NEK10: variants seen among roughly 807,000 people sequenced by gnomAD.
NEK10 encodes serine/threonine-protein kinase Nek10.
In NEK10, 122 loss-of-function variants were observed where a neutral mutation model predicts 159.8. That is an observed-to-expected ratio of 0.76 (90% CI 0.66 to 0.89). The LOEUF (loss-of-function observed/expected upper bound fraction) is 0.89, where lower values mean the gene tolerates loss of function less well. Among genes scored for constraint, NEK10 ranks in the 40% least tolerant of loss-of-function variants. NEK10 has a pLI of 0.00. For missense variants in NEK10, 1,342 were observed against 1,323.1 expected (o/e 1.01, Z -0.22); for synonymous variants, 466 against 457.1 (o/e 1.02, Z -0.25).
At chr3:27,353,178 T>G (rs1455538954) in intron 1 of NEK10, among the ~76,000 whole-genome samples, 1 of 152,212 alleles carries the variant, frequency 6.6e-6, no homozygotes, top group Non-Finnish European at 1.5e-5. Flanking sequence ...ACAATTGGTT[T>G]GCTTTTATTT....
chr3:27,117,987 T>C (rs1376151085), intron 33 of NEK10, among the ~76,000 whole-genome samples: 6 of 152,208 alleles, frequency 3.9e-5, no homozygotes, highest in African/African-American at 1.4e-4. Flanking sequence ...CTTGAATTAA[T>C]TTTTGTATAA....
chr3:27,209,537 T>G (rs957208082), intron 23 of NEK10, among the ~76,000 whole-genome samples: 4 of 152,246 alleles, frequency 2.6e-5, no homozygotes, highest in Non-Finnish European at 5.9e-5. Context: ...AGCAGCAGCT[T>G]AAAGTACAAA....
chr3:27,356,560 G>A (rs964675949), intron 1 of NEK10, among the ~76,000 whole-genome samples: 1 of 152,092 alleles, frequency 6.6e-6, no homozygotes. Context: ...TTCTATCATA[G>A]CAGCACAAAA....
chr3:27,177,770 T>A (rs1291114962), intron 26 of NEK10, among the ~76,000 whole-genome samples: 5 of 152,184 alleles, frequency 3.3e-5, no homozygotes, highest in Non-Finnish European at 7.3e-5. Flanking sequence ...CCTTTAGTGC[T>A]TTGCACAATG....
chr3:27,363,067 C>T (rs960701441), intron 1 of NEK10, among the ~76,000 whole-genome samples: 12 of 152,152 alleles, frequency 7.9e-5, no homozygotes, highest in South Asian at 6.2e-4. Flanking sequence ...TCCTGGCCAC[C>T]CAGCCAGCTG....
Position 27,111,263 on chromosome 3 carries a change from G to A in NEK10, c.*9C>T. Reference sequence around the variant, plus strand: ...TGAGAAAATCAAGTCCACTCAAAATGCAGCATTTTCATCTTTTGGTTGGGT... The same window carrying A: ...TGAGAAAATCAAGTCCACTCAAAATACAGCATTTTCATCTTTTGGTTGGGT... On this transcript the variant is annotated 3_prime_UTR_variant, in exon 36 of 36. Transcript: ENST00000691995. 1 of 1,608,092 alleles carries A rather than the reference G, an allele frequency of 6.2e-7. No homozygotes were observed. Among genetic ancestry groups the A allele is most frequent in the Non-Finnish European group, 8.5e-7 (1 of 1,176,634 alleles).
intron 1 of NEK10, among the ~76,000 whole-genome samples, chr3:27,353,490 G>C (rs908947573): frequency 1.2e-4 from 19 of 152,102 alleles, no homozygotes; most frequent in Admixed American, 8.5e-4. Flanking sequence ...GTACCAATGG[G>C]CATTTCACTT....
intron 29 of NEK10, among the ~76,000 whole-genome samples, chr3:27,169,506 T>C (rs572946750): frequency 6.6e-6 from 1 of 152,290 alleles, no homozygotes; most frequent in African/African-American, 2.4e-5. Context: ...TAAGTTTTCC[T>C]TGGGTTTTTA....
rs1032863216 is a variant in NEK10, at chr3:27,187,515, C to T, written c.2505+4514G>A. On this transcript the variant is annotated intron_variant, in intron 26 of 35. Transcript: ENST00000691995. ...GGGACTAGATGGAAACCAAGGGAAG[C>T]GTAAGAGAGGCAGAACCTTTAAAGT... Among the ~76,000 whole-genome samples the T allele has an allele frequency of 7.9e-5, 12 of 151,702 alleles. 1 individual carries two copies. Among genetic ancestry groups the T allele is most frequent in the Admixed American group, 6.6e-4 (10 of 15,236 alleles).
chr3:27,239,278 A>T (rs1313170458), intron 23 of NEK10, among the ~76,000 whole-genome samples: 3 of 152,228 alleles, frequency 2.0e-5, no homozygotes, highest in Non-Finnish European at 4.4e-5. Flanking sequence ...AGATTTTAAA[A>T]ATCAGTGATG....
At position 27,106,669 on chromosome 3, in the gene NEK10, T is replaced by C. The variant is rs1420195214; in HGVS notation, c.*4603A>G. ...GCCTTAAAGCAGTTGTTCCTCTTGG[T>C]TTGTTATTTCTGGCACAAACTTCTC... is the stretch of plus-strand genomic sequence containing the variant. On this transcript the variant is annotated 3_prime_UTR_variant, in exon 36 of 36. Coordinates refer to ENST00000691995, the MANE Select transcript of NEK10 (RefSeq NM_001394966.1). 2.0e-5 allele frequency among the ~76,000 whole-genome samples: 3 copies of C among 152,166 alleles called. No homozygotes were observed. Among genetic ancestry groups the C allele is most frequent in the Non-Finnish European group, 4.4e-5 (3 of 68,026 alleles).
intron 30 of NEK10, among the ~76,000 whole-genome samples, chr3:27,151,854 G>A (rs958495026): frequency 2.0e-5 from 3 of 152,108 alleles, no homozygotes; most frequent in African/African-American, 7.2e-5. Context: ...TTATAGAAAT[G>A]CAAAATGCTC....
At chr3:27,150,684 T>G (rs60844491) in intron 30 of NEK10, among the ~76,000 whole-genome samples, 14,876 of 152,264 alleles carry the variant, frequency 0.098, 2,395 homozygotes, top group African/African-American at 0.34. Flanking sequence ...TCATGTATGC[T>G]AACATAACAT....
At chr3:27,366,577 A>T (rs2049103898) in intron 1 of NEK10, among the ~76,000 whole-genome samples, 1 of 152,030 alleles carries the variant, frequency 6.6e-6, no homozygotes, top group South Asian at 2.1e-4. Flanking sequence ...CTTTTGGCTC[A>T]CCCTCACTGG....
intron 28 of NEK10, 133 bp downstream of exon 28, chr3:27,174,306 C>T (rs536944041): frequency 2.2e-6 from 3 of 1,394,144 alleles, no homozygotes; most frequent in African/African-American, 1.5e-5. Context: ...ACACATCTGT[C>T]CTAATTAGCA....
chr3:27,216,677 C>A (rs1951562442), intron 23 of NEK10, among the ~76,000 whole-genome samples: 1 of 152,218 alleles, frequency 6.6e-6, no homozygotes, highest in Non-Finnish European at 1.5e-5. Flanking sequence ...GCCAATATCC[C>A]CAGGTAAGCT....
intron 24 of NEK10, among the ~76,000 whole-genome samples, chr3:27,202,103 A>C (rs1330345146): frequency 6.6e-6 from 1 of 152,212 alleles, no homozygotes; most frequent in East Asian, 1.9e-4. Context: ...GTGAGCCAAG[A>C]TCATGTCACT....
Position 27,106,680 on chromosome 3 carries a change from T to C in NEK10, c.*4592A>G, listed in dbSNP as rs1231512653. 6.6e-6 allele frequency among the ~76,000 whole-genome samples: 1 copy of C among 152,208 alleles called. No individual in the cohort carries two copies. Among genetic ancestry groups the C allele is most frequent in the Non-Finnish European group, 1.5e-5 (1 of 68,036 alleles). On this transcript the variant is annotated 3_prime_UTR_variant, in exon 36 of 36. Coordinates refer to ENST00000691995, the MANE Select transcript of NEK10 (RefSeq NM_001394966.1). The stretch of plus-strand genomic sequence containing the variant: ...GTTGTTCCTCTTGGTTTGTTATTTC[T>C]GGCACAAACTTCTCTCTGCATGTTT...
chr3:27,214,956 G>A (rs1474421633), intron 23 of NEK10: 2 of 834,266 alleles, frequency 2.4e-6, no homozygotes, highest in South Asian at 1.4e-5. Flanking sequence ...CAAAACCAGT[G>A]CCTATCTTCA....
Sources: gnomAD v4.1 joint callset for allele counts (sites outside exome capture counted in the v4.1 genomes callset) on GRCh38, gnomAD v4.1.1 for gene constraint, MANE v1.5 for transcripts, NCBI Gene and HGNC (gene_info 2026-07-23, HGNC 2026-07-21) for gene names.